The following RPL28 variants were observed in gnomAD, a reference collection of about 807,000 sequenced individuals.
RPL28 encodes large ribosomal subunit protein eL28.
RPL28 carries 4 observed loss-of-function variants against 12.5 expected under a neutral mutation model. That is an observed-to-expected ratio of 0.32 (90% confidence interval 0.16 to 0.73). The LOEUF (loss-of-function observed/expected upper bound fraction) is 0.73, where lower values mean the gene tolerates loss of function less well. RPL28 is among the 30% of genes least tolerant of loss of function. The pLI, the probability that RPL28 is intolerant of heterozygous loss-of-function variation, is 0.66. For synonymous variants in RPL28, 91 were observed against 72.5 expected, an observed-to-expected ratio of 1.26 and a Z score of -1.30; for missense variants, 214 against 197.7, an observed-to-expected ratio of 1.08 and a Z score of -0.49.
In RPL28 at chr19:55,390,641, C is replaced by A; in HGVS notation, c.*2309C>A. On this transcript the variant is annotated 3_prime_UTR_variant, in exon 5 of 5. Coordinates refer to ENST00000344063, the MANE Select transcript of RPL28 (RefSeq NM_000991.5). ...CTGAATCCTCCCTGCTGTGTGGCCT[C>A]CCCTGGTCTCATCCGTAACACAGCC... The A allele has an allele frequency of 5.1e-6, 5 of 985,606 alleles. No individual in the cohort carries two copies. Among genetic ancestry groups the A allele is most frequent in the Non-Finnish European group, 6.0e-6 (5 of 830,044 alleles). 61.1% of individuals were successfully genotyped at this position (985,606 alleles called of 1,614,324 possible). A position where few individuals can be genotyped will look rare whatever the true frequency, so the allele number is the denominator to read the frequency against.
chr19:55,395,653 C>G (rs1440140948), downstream of RPL28, among the ~76,000 whole-genome samples: 1 of 151,698 alleles, frequency 6.6e-6, no homozygotes, highest in Non-Finnish European at 1.5e-5. Flanking sequence ...CTGTGTTAGC[C>G]AGGATGGTCT....
At chr19:55,401,300 T>G in intron 4 of RPL28, 1 of 919,366 alleles carries the variant, frequency 1.1e-6, no homozygotes. Flanking sequence ...CCAACTTTAT[T>G]TAGAAAAACA....
intron 4 of RPL28, among the ~76,000 whole-genome samples, chr19:55,402,142 A>G (rs1193026585): frequency 2.6e-5 from 4 of 152,198 alleles, no homozygotes; most frequent in Non-Finnish European, 5.9e-5. Flanking sequence ...GCAGTTCAGC[A>G]TGACCTTAGA....
chr19:55,395,212 C>T (rs1020626590), downstream of RPL28, among the ~76,000 whole-genome samples: 3 of 152,138 alleles, frequency 2.0e-5, no homozygotes, highest in Non-Finnish European at 2.9e-5. Flanking sequence ...TCTCGGCTCA[C>T]TACAACCTCT....
chr19:55,401,798 C>A, intron 4 of RPL28: 1 of 1,610,250 alleles, frequency 6.2e-7, no homozygotes, highest in Middle Eastern at 1.7e-4. Context: ...GTGGGTCGGG[C>A]AACCTACAGG....
In RPL28 at chr19:55,390,037, TG is replaced by T; in HGVS notation, c.*1706del. 3.0e-6 allele frequency: 3 copies of T among 985,518 alleles called. No homozygotes were observed. Among genetic ancestry groups the T allele is most frequent in the Non-Finnish European group, 3.6e-6 (3 of 829,976 alleles). The allele number at this position is 985,518 out of a possible 1,614,324, so 61.0% of individuals were successfully genotyped here. The stretch of plus-strand genomic sequence containing the variant: ...CCTCTCCCCTGGCACCTGCTTCAGT[TG>T]TCCTCCACAGCACTGATTTGCAGCC... On this transcript the variant is annotated 3_prime_UTR_variant, in exon 5 of 5. Coordinates refer to ENST00000344063, the MANE Select transcript of RPL28 (RefSeq NM_000991.5).
At chr19:55,401,153 T>A (rs2123306228) in intron 4 of RPL28, 1 of 485,256 alleles carries the variant, frequency 2.1e-6, no homozygotes, top group East Asian at 3.7e-5. Context: ...GCAAGGCTGG[T>A]GAGCTAGATG....
At chr19:55,403,085 C>G (rs1466504071) in exon 5 of RPL28, 1 of 1,140,820 alleles carries the variant, frequency 8.8e-7, no homozygotes, top group African/African-American at 1.5e-5. Context: ...TTGGGCAGCA[C>G]CCTTGGCCTC....
chr19:55,390,041 C>G lies in RPL28; in HGVS notation c.*1709C>G, dbSNP rs1195401749. 1 of 985,420 alleles carries G rather than the reference C, an allele frequency of 1.0e-6. No homozygotes were observed. Among genetic ancestry groups the G allele is most frequent in the African/African-American group, 1.7e-5 (1 of 57,244 alleles). The allele number at this position is 985,420 out of a possible 1,614,324, so 61.0% of individuals were successfully genotyped here. A position where few individuals can be genotyped will look rare whatever the true frequency, so the allele number is the denominator to read the frequency against. On this transcript the variant is annotated 3_prime_UTR_variant, in exon 5 of 5. Transcript: ENST00000344063. ...TCCCCTGGCACCTGCTTCAGTTGTC[C>G]TCCACAGCACTGATTTGCAGCCCAC... is the stretch of plus-strand genomic sequence containing the variant.
chr19:55,401,340 C>A lies in RPL28; in HGVS notation c.325-1603C>A, dbSNP rs1156498325. On this transcript the variant is annotated intron_variant, in intron 4 of 4. Transcript: ENST00000560055. ...CAGGTCCCAGTGCCCCCTGTACCCTCCCCGACCCCAGCCATAATTTAAATA... is the reference window on the plus strand; with the variant it reads ...CAGGTCCCAGTGCCCCCTGTACCCTACCCGACCCCAGCCATAATTTAAATA... The A allele has an allele frequency of 4.0e-6, 4 of 1,005,560 alleles. No homozygotes were observed. In the African/African-American group the frequency reaches 6.5e-5, roughly 16 times the overall value. 62.3% of individuals were successfully genotyped at this position (1,005,560 alleles called of 1,614,324 possible).
intron 4 of RPL28, among the ~76,000 whole-genome samples, chr19:55,399,220 G>A (rs893841315): frequency 2.0e-5 from 3 of 152,156 alleles, no homozygotes; most frequent in African/African-American, 7.2e-5. Context: ...AGGCTGGAGT[G>A]CAGTGGCAGG....
downstream of RPL28, among the ~76,000 whole-genome samples, chr19:55,393,415 T>C (rs905596359): frequency 6.6e-6 from 1 of 152,024 alleles, no homozygotes; most frequent in African/African-American, 2.4e-5. Flanking sequence ...AGATGAAGAC[T>C]GTCTCCAAAA....
intron 4 of RPL28, chr19:55,400,833 G>A (rs1183940498): frequency 6.5e-6 from 1 of 152,996 alleles, no homozygotes; most frequent in African/African-American, 2.4e-5. Flanking sequence ...TGCCCACAAG[G>A]GAAAAACCAA....
chr19:55,390,721 T>G lies in RPL28; in HGVS notation c.*2389T>G, dbSNP rs1600306952. ...GGCCAGCCTGTCTGTGTGGCTGGGC[T>G]GGGGAGGCCACGTCTGGTATCTGAA... On this transcript the variant is annotated 3_prime_UTR_variant, in exon 5 of 5. Transcript: ENST00000344063. 1 of 985,340 alleles carries G rather than the reference T, an allele frequency of 1.0e-6. No homozygotes were observed. Among genetic ancestry groups the G allele is most frequent in the Non-Finnish European group, 1.2e-6 (1 of 829,940 alleles). 61.0% of individuals were successfully genotyped at this position (985,340 alleles called of 1,614,324 possible). A position where few individuals can be genotyped will look rare whatever the true frequency, so the allele number is the denominator to read the frequency against.
rs930535276 is a variant in RPL28, at chr19:55,401,820, C to G, written c.325-1123C>G. 3 of 1,591,564 alleles carry G rather than the reference C, an allele frequency of 1.9e-6. No individual in the cohort carries two copies. In the African/African-American group the frequency reaches 4.0e-5, roughly 21 times the overall value. ...GGGCAACCTACAGGGACCCCCAGGCCTCCACAAGAGGGTGGCCTCCGCACT... is the reference window on the plus strand; with the variant it reads ...GGGCAACCTACAGGGACCCCCAGGCGTCCACAAGAGGGTGGCCTCCGCACT... On this transcript the variant is annotated intron_variant, in intron 4 of 4. Coordinates refer to the RPL28 transcript ENST00000560055.
Position 55,386,606 on chromosome 19 carries a change from T to C in RPL28, c.118T>C (p.Tyr40His). 6.2e-7 allele frequency: 1 copy of C among 1,612,632 alleles called. No homozygotes were observed. The highest frequency in any genetic ancestry group is 8.5e-7 in the Non-Finnish European group (1 of 1,178,816). The change falls in exon 3 of 5, where the codon TAC becomes CAC. Residue 40 changes from tyrosine to histidine, a missense_variant. Tyr to His is a moderately conservative substitution (Grantham distance 83). Coordinates refer to ENST00000344063, the MANE Select transcript of RPL28 (RefSeq NM_000991.5). The stretch of plus-strand genomic sequence containing the variant: ...CTTGAAGGCCCGCAATTCCTTCCGC[T>C]ACAACGGACTGATTCACCGCAAGAC... ...NNLKARNSFR[Y>H]NGLIHRKTVG...
At position 55,388,748 on chromosome 19, in the gene RPL28, C is replaced by G; in HGVS notation, c.*416C>G. 2.0e-6 allele frequency: 2 copies of G among 1,013,714 alleles called. No individual in the cohort carries two copies. Among genetic ancestry groups the G allele is most frequent in the Non-Finnish European group, 2.4e-6 (2 of 849,256 alleles). 62.8% of individuals were successfully genotyped at this position (1,013,714 alleles called of 1,614,324 possible). The stretch of plus-strand genomic sequence containing the variant: ...GCACGGTTTGGGGACTTGGGGTGTT[C>G]CCAAGACCTGGGGGACGACAGACAT... On this transcript the variant is annotated 3_prime_UTR_variant, in exon 5 of 5. Transcript: ENST00000344063.
At chr19:55,399,653 G>A (rs1361064354) in intron 4 of RPL28, 6 of 152,116 alleles carry the variant, frequency 3.9e-5, no homozygotes, top group African/African-American at 9.7e-5. Flanking sequence ...CTGAAGCTAC[G>A]CAGGGGCCCA....
intron 4 of RPL28, 88 bp downstream of exon 4, chr19:55,388,136 A>G (rs777617943): frequency 1.3e-6 from 2 of 1,583,454 alleles, no homozygotes; most frequent in East Asian, 4.5e-5. Context: ...TATGGGCTGG[A>G]GAGGGATGGA....
Sources: allele counts gnomAD v4.1 joint callset (sites outside exome capture counted in the v4.1 genomes callset), GRCh38; gene constraint gnomAD v4.1.1; transcripts MANE v1.5; gene names NCBI Gene and HGNC (gene_info 2026-07-23, HGNC 2026-07-21).